The following NLGN1 variants were observed in gnomAD, a reference collection of about 807,000 sequenced individuals.
NLGN1 encodes the protein neuroligin 1.
NLGN1 carries 12 observed loss-of-function variants against 65.5 expected under a neutral mutation model. That is an observed-to-expected ratio of 0.18 (90% CI 0.12 to 0.30). The LOEUF (loss-of-function observed/expected upper bound fraction) is 0.30, where lower values mean the gene tolerates loss of function less well. Ranked by LOEUF, NLGN1 falls within the 10% of genes least tolerant of loss-of-function variation. The pLI, the probability that NLGN1 is intolerant of heterozygous loss-of-function variation, is 1.00. For missense variants in NLGN1, 750 were observed against 1,007.1 expected, an observed-to-expected ratio of 0.74 and a Z score of 3.46; for synonymous variants, 350 against 359.5, an observed-to-expected ratio of 0.97 and a Z score of 0.30.
At chr3:174,096,375 C>T (rs1420811959) in intron 4 of NLGN1, among the ~76,000 whole-genome samples, 1 of 151,844 alleles carries the variant, frequency 6.6e-6, no homozygotes, top group Admixed American at 6.6e-5. Flanking sequence ...TAGTTAAGTA[C>T]AAATATAACC....
At chr3:174,238,164 AGGT>A (rs1742093467) in intron 4 of NLGN1, among the ~76,000 whole-genome samples, 1 of 152,168 alleles carries the variant, frequency 6.6e-6, no homozygotes, top group Admixed American at 6.5e-5. Context: ...CTTCAAACTC[AGGT>A]AAGTGTCATC....
intron 4 of NLGN1, among the ~76,000 whole-genome samples, chr3:173,950,926 G>A (rs1748084970): frequency 6.6e-6 from 1 of 152,082 alleles, no homozygotes; most frequent in African/African-American, 2.4e-5. Context: ...GAGTGCAGTG[G>A]CGTGATCTTG....
chr3:174,013,673 C>T (rs1057298578), intron 4 of NLGN1, among the ~76,000 whole-genome samples: 3 of 152,126 alleles, frequency 2.0e-5, no homozygotes, highest in African/African-American at 7.2e-5. Context: ...CGACTTTTCT[C>T]TTGTCATTTT....
chr3:174,085,238 A>T (rs949893271), intron 4 of NLGN1, among the ~76,000 whole-genome samples: 10 of 152,006 alleles, frequency 6.6e-5, no homozygotes, highest in African/African-American at 2.4e-4. Context: ...TCCAGATAAA[A>T]TCTTGGGAAA....
intron 2 of NLGN1, among the ~76,000 whole-genome samples, chr3:173,467,888 T>G (rs1280936887): frequency 6.6e-6 from 1 of 152,206 alleles, no homozygotes; most frequent in Non-Finnish European, 1.5e-5. Flanking sequence ...CACTTCTGTT[T>G]AGTGGTGACC....
chr3:173,706,258 C>T (rs1217661403), intron 3 of NLGN1, among the ~76,000 whole-genome samples: 1 of 152,004 alleles, frequency 6.6e-6, no homozygotes, highest in Non-Finnish European at 1.5e-5. Context: ...CTATCATTCC[C>T]CTCTTCACTT....
chr3:173,960,821 G>T (rs1343169246), intron 4 of NLGN1, among the ~76,000 whole-genome samples: 2 of 151,222 alleles, frequency 1.3e-5, no homozygotes, highest in East Asian at 1.9e-4. Context: ...GTTCTAAAGG[G>T]TTTATCTTTA....
At chr3:173,544,259 C>CGTGTGTGTATGT (rs1553880849) in intron 2 of NLGN1, among the ~76,000 whole-genome samples, 1 of 144,146 alleles carries the variant, frequency 6.9e-6, no homozygotes, top group African/African-American at 2.6e-5. Context: ...GATTATATTA[C>CGTGTGTGTATGT]GTGTGTGTGT....
chr3:173,905,483 G>C (rs140247985), intron 4 of NLGN1, among the ~76,000 whole-genome samples: 20 of 152,252 alleles, frequency 1.3e-4, no homozygotes, highest in African/African-American at 4.6e-4. Context: ...GGGAATAATG[G>C]CATGCATTCC....
chr3:174,105,078 T>C (rs1472160138), intron 4 of NLGN1, among the ~76,000 whole-genome samples: 1 of 152,078 alleles, frequency 6.6e-6, no homozygotes, highest in African/African-American at 2.4e-5. Context: ...ATTTTATAAA[T>C]ACAGGTGAAA....
intron 2 of NLGN1, among the ~76,000 whole-genome samples, chr3:173,513,723 C>T (rs142971762): frequency 2.2e-4 from 34 of 152,128 alleles, no homozygotes; most frequent in African/African-American, 8.2e-4. Flanking sequence ...AATCTTCCAT[C>T]ACTTTCATTA....
chr3:174,286,098 A>C (rs1412583386), exon 7 of NLGN1: 2 of 151,388 alleles, frequency 1.3e-5, no homozygotes, highest in African/African-American at 4.8e-5. Context: ...ATTAGAGAAA[A>C]TCATGTACTA....
At chr3:173,559,006 C>G (rs921356688) in intron 2 of NLGN1, among the ~76,000 whole-genome samples, 3 of 152,058 alleles carry the variant, frequency 2.0e-5, no homozygotes, top group African/African-American at 7.3e-5. Flanking sequence ...TGATATGGCA[C>G]TCATATTTAA....
chr3:173,537,481 T>A (rs1737632075), intron 2 of NLGN1, among the ~76,000 whole-genome samples: 2 of 124,310 alleles, frequency 1.6e-5, no homozygotes, highest in African/African-American at 6.3e-5. Flanking sequence ...AGGTATTTGC[T>A]TAGTGTGTGT....
At chr3:173,440,633 T>C (rs1234668606) in intron 2 of NLGN1, among the ~76,000 whole-genome samples, 1 of 152,162 alleles carries the variant, frequency 6.6e-6, no homozygotes, top group Non-Finnish European at 1.5e-5. Context: ...AGTAATATTT[T>C]GAAAAGATAG....
intron 4 of NLGN1, among the ~76,000 whole-genome samples, chr3:174,138,611 T>C (rs897512428): frequency 3.3e-5 from 5 of 151,954 alleles, no homozygotes; most frequent in African/African-American, 1.2e-4. Context: ...ATTTTTTGTA[T>C]TTTTAGTAGA....
intron 3 of NLGN1, among the ~76,000 whole-genome samples, chr3:173,706,090 A>C (rs1695138093): frequency 6.6e-6 from 1 of 152,186 alleles, no homozygotes; most frequent in African/African-American, 2.4e-5. Context: ...CCTTGCAATA[A>C]GTCAATAGTG....
chr3:174,097,084 A>C (rs1363323479), intron 4 of NLGN1, among the ~76,000 whole-genome samples: 2 of 152,110 alleles, frequency 1.3e-5, no homozygotes, highest in Non-Finnish European at 2.9e-5. Context: ...TTGAGGGTTA[A>C]GAAGACAATA....
intron 3 of NLGN1, among the ~76,000 whole-genome samples, chr3:173,799,346 A>G (rs1714897355): frequency 6.6e-6 from 1 of 152,022 alleles, no homozygotes; most frequent in Admixed American, 6.6e-5. Context: ...ACTTAAAATT[A>G]CTTTCATATG....
Sources: allele counts gnomAD v4.1 joint callset (sites outside exome capture counted in the v4.1 genomes callset), GRCh38; gene constraint gnomAD v4.1.1; transcripts MANE v1.5; gene names NCBI Gene and HGNC (gene_info 2026-07-23, HGNC 2026-07-21).